Variants in PRKAR1B observed in about 807,000 individuals in gnomAD.
The protein encoded by PRKAR1B is protein kinase cAMP-dependent type I regulatory subunit beta.
A neutral mutation model predicts 46.5 loss-of-function variants in PRKAR1B; 22 were observed. That is an observed-to-expected ratio of 0.47 (90% CI 0.34 to 0.68). The LOEUF is 0.68. Among genes scored for constraint, PRKAR1B ranks in the 30% least tolerant of loss-of-function variants. PRKAR1B has a pLI of 0.01. For missense variants in PRKAR1B, 445 were observed against 535.6 expected (o/e 0.83, Z 1.67); for synonymous variants, 259 against 217.7 (o/e 1.19, Z -1.67).
chr7:588,828 A>G (rs1457543671), intron 7 of PRKAR1B, among the ~76,000 whole-genome samples: 2 of 19,286 alleles, frequency 1.0e-4, no homozygotes, highest in Non-Finnish European at 2.0e-4. Flanking sequence ...GATGGTGGTG[A>G]TGGTGGTGAT....
chr7:553,128 C>T (rs932118988), intron 9 of PRKAR1B, among the ~76,000 whole-genome samples: 3 of 152,200 alleles, frequency 2.0e-5, no homozygotes, highest in Admixed American at 6.5e-5. Flanking sequence ...TGTGGCCAGA[C>T]GGGGCTGCCG....
chr7:611,216 G>A (rs948003937), intron 4 of PRKAR1B, among the ~76,000 whole-genome samples: 3 of 152,252 alleles, frequency 2.0e-5, no homozygotes, highest in South Asian at 2.1e-4. Context: ...CCCTATAGGG[G>A]CAGAGCCCTC....
intron 4 of PRKAR1B, among the ~76,000 whole-genome samples, chr7:617,344 AC>A (rs1459837794): frequency 1.5e-5 from 2 of 134,410 alleles, no homozygotes; most frequent in African/African-American, 5.6e-5. Context: ...TCACTCTGCC[AC>A]CCAGGCTGGA....
At chr7:699,985 G>A (rs1004545621) in intron 2 of PRKAR1B, among the ~76,000 whole-genome samples, 1 of 152,212 alleles carries the variant, frequency 6.6e-6, no homozygotes, top group African/African-American at 2.4e-5. Flanking sequence ...CGTGGGCGGG[G>A]GAAGGGGCGG....
chr7:577,617 C>T (rs891461626), intron 9 of PRKAR1B, among the ~76,000 whole-genome samples: 1 of 152,198 alleles, frequency 6.6e-6, no homozygotes, highest in East Asian at 1.9e-4. Flanking sequence ...GCAGAGCCTC[C>T]GGACGACGGA....
At chr7:597,602 G>A (rs1192306653) in intron 6 of PRKAR1B, among the ~76,000 whole-genome samples, 1 of 152,220 alleles carries the variant, frequency 6.6e-6, no homozygotes, top group Non-Finnish European at 1.5e-5. Flanking sequence ...GCAGGGATAC[G>A]TGGAGGAGGC....
chr7:715,401 A>G (rs1171815667), intron 1 of PRKAR1B, among the ~76,000 whole-genome samples: 1 of 152,060 alleles, frequency 6.6e-6, no homozygotes, highest in Admixed American at 6.6e-5. Context: ...GACCACGTGG[A>G]CCTCAACAGG....
Position 551,492 on chromosome 7 carries a change from CGTGA to C in PRKAR1B, c.892-26_892-23del, listed in dbSNP as rs772318725. On this transcript the variant is annotated intron_variant, in intron 9 of 10. Transcript: ENST00000537384. ...TGCCCTGTGGGTGGAGGTGGACAGACGTGAGTGCCAGCCAGGCGGGTGCAGGGTG... is the reference window on the plus strand; with the variant it reads ...TGCCCTGTGGGTGGAGGTGGACAGACGTGCCAGCCAGGCGGGTGCAGGGTG... The C allele has an allele frequency of 1.8e-5, 28 of 1,549,560 alleles. No homozygotes were observed. In the East Asian group the frequency reaches 4.6e-4, roughly 25 times the overall value.
At chr7:713,490 T>G (rs1780763096) in intron 1 of PRKAR1B, among the ~76,000 whole-genome samples, 1 of 151,736 alleles carries the variant, frequency 6.6e-6, no homozygotes, top group Non-Finnish European at 1.5e-5. Context: ...CACCCGTCTC[T>G]TGCTCACCTT....
rs1778427569 is a variant in PRKAR1B, at chr7:677,929, A to T, written c.349-609T>A. Among the ~76,000 whole-genome samples, 4 of 152,332 alleles carry T rather than the reference A, an allele frequency of 2.6e-5. No homozygotes were observed. The South Asian group carries it at 8.3e-4, about 32-fold the overall frequency. The stretch of plus-strand genomic sequence containing the variant: ...CTACAAATCTGTACAGGATGTGGCC[A>T]TCCTCAACACTGCAGGCAGCTGTAA... On this transcript the variant is annotated intron_variant, in intron 3 of 10. Coordinates refer to ENST00000537384, the MANE Select transcript of PRKAR1B (RefSeq NM_001164760.2).
intron 4 of PRKAR1B, among the ~76,000 whole-genome samples, chr7:647,386 C>T (rs1023740876): frequency 1.3e-5 from 2 of 152,094 alleles, no homozygotes; most frequent in African/African-American, 4.8e-5. Context: ...CCCGTAGCCT[C>T]CTCGTCCTCT....
At chr7:685,541 A>G (rs1276380809) in intron 2 of PRKAR1B, among the ~76,000 whole-genome samples, 1 of 151,352 alleles carries the variant, frequency 6.6e-6, no homozygotes, top group East Asian at 1.9e-4. Context: ...TGGTTGACAG[A>G]GCCCACAAGA....
chr7:672,859 C>G (rs1786343142), intron 4 of PRKAR1B, among the ~76,000 whole-genome samples: 2 of 151,662 alleles, frequency 1.3e-5, no homozygotes, highest in South Asian at 4.2e-4. Flanking sequence ...AAGAGTGAAA[C>G]TCCATCTCAA....
intron 4 of PRKAR1B, among the ~76,000 whole-genome samples, chr7:614,770 G>C (rs1782710255): frequency 6.6e-6 from 1 of 152,128 alleles, no homozygotes; most frequent in Non-Finnish European, 1.5e-5. Flanking sequence ...AAATTAGTGA[G>C]GTGTAGTGGC....
At chr7:614,802 C>A (rs2128470314) in intron 4 of PRKAR1B, among the ~76,000 whole-genome samples, 1 of 152,264 alleles carries the variant, frequency 6.6e-6, no homozygotes, top group South Asian at 2.1e-4. Context: ...ATCCCAGCTA[C>A]TTGGGAGGCT....
chr7:633,310 A>G (rs1783870942), intron 4 of PRKAR1B, among the ~76,000 whole-genome samples: 1 of 152,206 alleles, frequency 6.6e-6, no homozygotes, highest in South Asian at 2.1e-4. Flanking sequence ...ACATAGGCAA[A>G]TCGACACAGA....
rs751808123 is a variant in PRKAR1B at position 711,401 on chromosome 7, G to A, written c.105C>T (p.Ile35=). ...HGIQQVLKDC[I]VHLCISKPER... Reference sequence around the variant, plus strand: ...CGGGCTTGGAGATGCAGAGGTGGACGATACAGTCTTTGAGGACCTGCTGGA... The same window carrying A: ...CGGGCTTGGAGATGCAGAGGTGGACAATACAGTCTTTGAGGACCTGCTGGA... The change falls in exon 2 of 11, where the codon ATC becomes ATT. Residue 35 remains isoleucine (I), a synonymous_variant. Coordinates refer to ENST00000537384, the MANE Select transcript of PRKAR1B (RefSeq NM_001164760.2). 2.5e-6 allele frequency: 4 copies of A among 1,614,252 alleles called. No homozygotes were observed. The highest frequency in any genetic ancestry group is 3.4e-6 in the Non-Finnish European group (4 of 1,180,030).
At chr7:553,493 G>A (rs777426996) in intron 9 of PRKAR1B, among the ~76,000 whole-genome samples, 150 of 152,228 alleles carry the variant, frequency 9.9e-4, no homozygotes, top group Admixed American at 3.3e-4. Flanking sequence ...GCCCAGGAAG[G>A]TGGCAGCACC....
chr7:704,741 C>T (rs1038141361), intron 2 of PRKAR1B, among the ~76,000 whole-genome samples: 5 of 152,002 alleles, frequency 3.3e-5, no homozygotes, highest in African/African-American at 1.2e-4. Context: ...TGCACTCCAG[C>T]CTGGTCAACA....
Sources: gnomAD v4.1 joint callset for allele counts (sites outside exome capture counted in the v4.1 genomes callset) on GRCh38, gnomAD v4.1.1 for gene constraint, MANE v1.5 for transcripts, NCBI Gene and HGNC (gene_info 2026-07-23, HGNC 2026-07-21) for gene names.